Variants in ST8SIA6 observed in about 807,000 individuals in gnomAD.
ST8SIA6 encodes ST8 alpha-N-acetyl-neuraminide alpha-2,8-sialyltransferase 6, also known as alpha-2,8-sialyltransferase 8F.
ST8SIA6 carries 39 observed loss-of-function variants against 33.6 expected under a neutral mutation model. The observed-to-expected ratio is 1.16, with a 90% CI of 0.90 to 1.52. The LOEUF is 1.52. Ranked by LOEUF, ST8SIA6 falls within the 40% of genes most tolerant of loss-of-function variation. ST8SIA6 has a pLI of 0.00. For synonymous variants in ST8SIA6, 172 were observed against 167.2 expected (o/e 1.03, Z -0.22); for missense variants, 441 against 443.8 (o/e 0.99, Z 0.06).
intron 4 of ST8SIA6, among the ~76,000 whole-genome samples, chr10:17,334,104 A>C (rs1848425411): frequency 6.6e-6 from 1 of 151,898 alleles, no homozygotes; most frequent in Non-Finnish European, 1.5e-5. Flanking sequence ...AAGCAGTTAA[A>C]CACACTTAGG....
chr10:17,442,065 C>A (rs1386223758), intron 2 of ST8SIA6, among the ~76,000 whole-genome samples: 1 of 152,032 alleles, frequency 6.6e-6, no homozygotes, highest in African/African-American at 2.4e-5. Flanking sequence ...GATGGGGTTT[C>A]CTCATGTTGG....
At chr10:17,436,137 A>G (rs1852246714) in intron 2 of ST8SIA6, among the ~76,000 whole-genome samples, 1 of 152,230 alleles carries the variant, frequency 6.6e-6, no homozygotes, top group South Asian at 2.1e-4. Context: ...AGAGCTTGCC[A>G]GCTCCCAAAA....
chr10:17,433,294 C>A (rs1168722540), intron 2 of ST8SIA6, among the ~76,000 whole-genome samples: 1 of 152,150 alleles, frequency 6.6e-6, no homozygotes, highest in African/African-American at 2.4e-5. Context: ...TACACACACA[C>A]CCTTGCTTAA....
chr10:17,427,129 TGAAAGGGG>T (rs1415507146), intron 2 of ST8SIA6, among the ~76,000 whole-genome samples: 1 of 144,388 alleles, frequency 6.9e-6, no homozygotes, highest in African/African-American at 2.6e-5. Flanking sequence ...GTTCTGTGCA[TGAAAGGGG>T]GAAAGGGGGA....
rs369789454 is a variant in ST8SIA6, at chr10:17,378,942, T to C, written c.290+11589A>G. On this transcript the variant is annotated intron_variant, in intron 3 of 7. Coordinates refer to ENST00000377602, the MANE Select transcript of ST8SIA6 (RefSeq NM_001004470.3). ...GAGATCAAGACCATCCTGGCTAACA[T>C]GGTGAAACCCCGTTACTACTAAAAA... 1.3e-3 allele frequency among the ~76,000 whole-genome samples: 196 copies of C among 152,096 alleles called. 1 individual carries two copies. The highest frequency in any genetic ancestry group is 3.3e-3 in the African/African-American group (136 of 41,494).
Position 17,318,500 on chromosome 10 carries a change from G to A in ST8SIA6, c.*2378C>T. The A allele has an allele frequency of 5.5e-6, 2 of 363,358 alleles. No homozygotes were observed. Among genetic ancestry groups the A allele is most frequent in the Non-Finnish European group, 1.1e-5 (2 of 185,874 alleles). 22.5% of individuals were successfully genotyped at this position (363,358 alleles called of 1,614,324 possible). ...CAAAGTGCTGGGATTACAGGTGTGAGCCATTGCGCCTGGCCTAAAGGGCTG... is the reference window on the plus strand; with the variant it reads ...CAAAGTGCTGGGATTACAGGTGTGAACCATTGCGCCTGGCCTAAAGGGCTG... On this transcript the variant is annotated 3_prime_UTR_variant, in exon 8 of 8. Transcript: ENST00000377602.
chr10:17,390,802 A>AAAAAC (rs1005897075), intron 2 of ST8SIA6, among the ~76,000 whole-genome samples, 182 bp from the exon 3 acceptor site: 9 of 151,322 alleles, frequency 5.9e-5, no homozygotes, highest in Non-Finnish European at 7.4e-5. Context: ...TCTAAATGAA[A>AAAAAC]AAAAAAACAA....
intron 3 of ST8SIA6, among the ~76,000 whole-genome samples, chr10:17,368,456 A>G (rs546450912): frequency 5.3e-5 from 8 of 149,820 alleles, no homozygotes; most frequent in Non-Finnish European, 1.2e-4. Context: ...TGAAGTTTAT[A>G]TTGTAGTAAC....
intron 4 of ST8SIA6, among the ~76,000 whole-genome samples, chr10:17,347,254 G>A (rs1307809336): frequency 1.3e-5 from 2 of 152,156 alleles, no homozygotes; most frequent in African/African-American, 2.4e-5. Context: ...AGAGATGGGT[G>A]GTGAGATTGC....
intron 3 of ST8SIA6, among the ~76,000 whole-genome samples, chr10:17,387,447 C>G (rs988430478): frequency 3.3e-3 from 171 of 52,420 alleles, no homozygotes; most frequent in African/African-American, 5.7e-3. Flanking sequence ...GGCGGTGGGG[C>G]GGGGGGGGGG....
intron 2 of ST8SIA6, among the ~76,000 whole-genome samples, chr10:17,410,960 G>T (rs1851427675): frequency 6.6e-6 from 1 of 152,132 alleles, no homozygotes; most frequent in South Asian, 2.1e-4. Flanking sequence ...ATTAGGAAGG[G>T]TTAGCAGAGC....
chr10:17,446,685 G>T (rs889376690), intron 2 of ST8SIA6, among the ~76,000 whole-genome samples: 1 of 152,012 alleles, frequency 6.6e-6, no homozygotes, highest in Non-Finnish European at 1.5e-5. Context: ...GTGAAGAAAA[G>T]GCAGAATAAG....
intron 4 of ST8SIA6, among the ~76,000 whole-genome samples, chr10:17,332,301 A>G (rs1170520992): frequency 1.3e-5 from 2 of 152,156 alleles, no homozygotes; most frequent in African/African-American, 4.8e-5. Context: ...TTTTTTGCCT[A>G]TATACCCAGT....
intron 2 of ST8SIA6, among the ~76,000 whole-genome samples, chr10:17,437,734 C>G (rs928626873): frequency 6.7e-6 from 1 of 149,800 alleles, no homozygotes; most frequent in African/African-American, 2.5e-5. Flanking sequence ...CCTTCCCTCC[C>G]TTTCTCTCTT....
chr10:17,407,147 AT>A (rs1851294655), intron 2 of ST8SIA6, among the ~76,000 whole-genome samples: 1 of 152,002 alleles, frequency 6.6e-6, no homozygotes, highest in Non-Finnish European at 1.5e-5. Context: ...CTGCTTGTTG[AT>A]TTTTTAAACC....
chr10:17,386,175 T>A (rs1850336496), intron 3 of ST8SIA6, among the ~76,000 whole-genome samples: 1 of 150,078 alleles, frequency 6.7e-6, no homozygotes, highest in Non-Finnish European at 1.5e-5. Flanking sequence ...AGTGAGACTG[T>A]CACACACACA....
intron 2 of ST8SIA6, among the ~76,000 whole-genome samples, chr10:17,429,462 A>G (rs1025775113): frequency 9.2e-5 from 14 of 151,392 alleles, no homozygotes; most frequent in African/African-American, 3.4e-4. Flanking sequence ...CCCCGGAGAC[A>G]CAGCTCAGCG....
intron 4 of ST8SIA6, among the ~76,000 whole-genome samples, chr10:17,339,464 G>A (rs1196910031): frequency 6.6e-6 from 1 of 152,148 alleles, no homozygotes; most frequent in Non-Finnish European, 1.5e-5. Context: ...GAGGGTCCTA[G>A]GAAAAAGAGT....
intron 2 of ST8SIA6, among the ~76,000 whole-genome samples, chr10:17,424,416 CTGT>C (rs761872098): frequency 1.6e-4 from 24 of 152,162 alleles, no homozygotes; most frequent in Non-Finnish European, 3.1e-4. Flanking sequence ...TTTCCAAGTT[CTGT>C]TGTTGCATCA....
Sources: gnomAD v4.1 joint callset for allele counts (sites outside exome capture counted in the v4.1 genomes callset) on GRCh38, gnomAD v4.1.1 for gene constraint, MANE v1.5 for transcripts, NCBI Gene and HGNC (gene_info 2026-07-23, HGNC 2026-07-21) for gene names.